PPP3CA: variants seen among roughly 807,000 people sequenced by gnomAD.
PPP3CA encodes protein phosphatase 3 catalytic subunit alpha.
In PPP3CA, 14 loss-of-function variants were observed where a neutral mutation model predicts 66.5. The observed-to-expected ratio is 0.21, with a 90% CI of 0.14 to 0.33. The LOEUF is 0.33. Ranked by LOEUF, PPP3CA falls within the 10% of genes least tolerant of loss-of-function variation. PPP3CA has a pLI of 1.00. For synonymous variants in PPP3CA, 232 were observed against 226.2 expected, an observed-to-expected ratio of 1.03 and a Z score of -0.23; for missense variants, 317 against 639.5, an observed-to-expected ratio of 0.50 and a Z score of 5.44.
chr4:101,206,952 A>T (rs1725148553), intron 1 of PPP3CA, among the ~76,000 whole-genome samples: 1 of 152,228 alleles, frequency 6.6e-6, no homozygotes, highest in African/African-American at 2.4e-5. Context: ...CATGGATGCC[A>T]CATGGTGTGG....
intron 2 of PPP3CA, among the ~76,000 whole-genome samples, chr4:101,109,656 CAAAA>C (rs33932766): frequency 4.8e-5 from 5 of 103,948 alleles, no homozygotes; most frequent in African/African-American, 6.7e-5. Flanking sequence ...ACCACTAAGG[CAAAA>C]AAAAAAAAAA....
At chr4:101,223,093 C>CATT (rs1392067408) in intron 1 of PPP3CA, among the ~76,000 whole-genome samples, 4 of 151,722 alleles carry the variant, frequency 2.6e-5, no homozygotes, top group Non-Finnish European at 5.9e-5. Context: ...AAACTATTCA[C>CATT]ATTAACTCCT....
intron 1 of PPP3CA, among the ~76,000 whole-genome samples, chr4:101,282,817 G>A (rs1727727963): frequency 6.6e-6 from 1 of 152,088 alleles, no homozygotes; most frequent in Non-Finnish European, 1.5e-5. Flanking sequence ...CCTGTTTCCG[G>A]GGCAGTCCCC....
At chr4:101,200,541 C>T (rs867890331) in intron 1 of PPP3CA, among the ~76,000 whole-genome samples, 3 of 152,186 alleles carry the variant, frequency 2.0e-5, no homozygotes, top group Middle Eastern at 6.8e-3. Flanking sequence ...CCTATAAATG[C>T]TGACAAAAAA....
chr4:101,033,465 G>A (rs2957293), intron 11 of PPP3CA, among the ~76,000 whole-genome samples: 64,787 of 151,916 alleles, frequency 0.43, 14,684 homozygotes, highest in Non-Finnish European at 0.48. Context: ...GAAATTAGCA[G>A]TTCCATCTTT....
intron 1 of PPP3CA, among the ~76,000 whole-genome samples, chr4:101,217,496 A>C (rs896976364): frequency 3.9e-5 from 6 of 152,138 alleles, no homozygotes; most frequent in Non-Finnish European, 7.4e-5. Context: ...GAAACACTAC[A>C]GTGTAGTGTT....
intron 1 of PPP3CA, among the ~76,000 whole-genome samples, chr4:101,226,542 T>C (rs754445700): frequency 7.9e-5 from 12 of 151,632 alleles, no homozygotes; most frequent in Non-Finnish European, 1.3e-4. Flanking sequence ...ACGAAAAAAG[T>C]TCTAACTCAG....
rs200861595 is a variant in PPP3CA at position 101,029,487 on chromosome 4, C to CACTT, written c.1340-296_1340-293dup. On this transcript the variant is annotated intron_variant, in intron 12 of 13. Coordinates refer to ENST00000394854, the MANE Select transcript of PPP3CA (RefSeq NM_000944.5). Reference sequence around the variant, plus strand: ...AATAACAAACAACCCTTTAGGAAAACACTTAGGAAAATTTCTTTTACATGG... The same window carrying CACTT: ...AATAACAAACAACCCTTTAGGAAAACACTTACTTAGGAAAATTTCTTTTACATGG... Among the ~76,000 whole-genome samples the CACTT allele has an allele frequency of 7.0e-3, 1,049 of 150,100 alleles. 8 individuals are homozygous for CACTT. Among genetic ancestry groups the CACTT allele is most frequent in the South Asian group, 0.036 (174 of 4,770 alleles).
intron 2 of PPP3CA, among the ~76,000 whole-genome samples, chr4:101,135,055 A>C (rs1018325072): frequency 6.6e-6 from 1 of 151,950 alleles, no homozygotes; most frequent in East Asian, 1.9e-4. Context: ...AACATCACAC[A>C]CCAGGGCCTG....
intron 9 of PPP3CA, among the ~76,000 whole-genome samples, chr4:101,062,179 G>A (rs973018593): frequency 9.2e-5 from 14 of 152,092 alleles, no homozygotes; most frequent in African/African-American, 3.4e-4. Flanking sequence ...CACTGCTTCT[G>A]TTTCCAGCGA....
intron 2 of PPP3CA, among the ~76,000 whole-genome samples, chr4:101,150,737 A>T (rs1227561069): frequency 6.6e-6 from 1 of 152,214 alleles, no homozygotes; most frequent in Non-Finnish European, 1.5e-5. Context: ...TAAAGTCTAA[A>T]TGCTCTACAG....
chr4:101,288,275 T>C (rs527595501), intron 1 of PPP3CA, among the ~76,000 whole-genome samples: 59 of 152,318 alleles, frequency 3.9e-4, no homozygotes, highest in African/African-American at 1.3e-3. Flanking sequence ...TGAATTGGTG[T>C]TGTAGAGTCA....
intron 2 of PPP3CA, among the ~76,000 whole-genome samples, chr4:101,185,165 G>C (rs573083034): frequency 1.4e-5 from 2 of 145,152 alleles, no homozygotes; most frequent in East Asian, 4.0e-4. Flanking sequence ...TTCTAACTAG[G>C]AAAAAAAAAA....
At chr4:101,242,170 C>T (rs1726332366) in intron 1 of PPP3CA, among the ~76,000 whole-genome samples, 2 of 147,876 alleles carry the variant, frequency 1.4e-5, no homozygotes. Flanking sequence ...ACCTAGATTA[C>T]ATGAATGTTT....
intron 2 of PPP3CA, among the ~76,000 whole-genome samples, chr4:101,129,234 G>T (rs1198432472): frequency 6.6e-6 from 1 of 152,146 alleles, no homozygotes; most frequent in Admixed American, 6.5e-5. Context: ...TGAAAGAATG[G>T]CAGCAGCCCC....
At chr4:101,051,580 A>G (rs965993880) in intron 10 of PPP3CA, among the ~76,000 whole-genome samples, 1 of 152,160 alleles carries the variant, frequency 6.6e-6, no homozygotes, top group African/African-American at 2.4e-5. Context: ...CCTCTTTCAC[A>G]TGCCAATTAT....
intron 2 of PPP3CA, among the ~76,000 whole-genome samples, chr4:101,139,433 C>T (rs529257422): frequency 3.2e-4 from 48 of 151,976 alleles, no homozygotes; most frequent in African/African-American, 1.1e-3. Context: ...CTTTTAACTC[C>T]TACTAATGTT....
At chr4:101,294,564 C>T (rs147187233) in intron 1 of PPP3CA, among the ~76,000 whole-genome samples, 1 of 151,874 alleles carries the variant, frequency 6.6e-6, no homozygotes, top group South Asian at 2.1e-4. Context: ...CTATATTTGT[C>T]TCTAATATTA....
chr4:101,168,576 C>T (rs62305938), intron 2 of PPP3CA, among the ~76,000 whole-genome samples: 10,843 of 152,012 alleles, frequency 0.071, 586 homozygotes, highest in East Asian at 0.19. Flanking sequence ...TCCAAGGAGA[C>T]TAAGTAAAAA....
Sources: gnomAD v4.1 joint callset for allele counts (sites outside exome capture counted in the v4.1 genomes callset) on GRCh38, gnomAD v4.1.1 for gene constraint, MANE v1.5 for transcripts, NCBI Gene and HGNC (gene_info 2026-07-23, HGNC 2026-07-21) for gene names.